SCAPER: variants seen among roughly 807,000 people sequenced by gnomAD.
The protein encoded by SCAPER is S-phase cyclin A associated protein in the ER, also known as S phase cyclin A-associated protein in the endoplasmic reticulum.
Under a neutral mutation model 182.2 loss-of-function variants are expected in SCAPER, and 98 were observed. That is an observed-to-expected ratio of 0.54 (90% CI 0.46 to 0.64). SCAPER has a LOEUF of 0.64. SCAPER is among the 30% of genes least tolerant of loss of function. The probability of loss-of-function intolerance (pLI) is 0.00; values close to 1 mark genes in which losing one functional copy is unlikely to be tolerated. For synonymous variants in SCAPER, 605 were observed against 564.6 expected, an observed-to-expected ratio of 1.07 and a Z score of -1.01; for missense variants, 1,432 against 1,690.0, an observed-to-expected ratio of 0.85 and a Z score of 2.68.
chr15:76,711,789 T>C (rs1000128945), intron 17 of SCAPER, among the ~76,000 whole-genome samples: 1 of 152,110 alleles, frequency 6.6e-6, no homozygotes, highest in Admixed American at 6.5e-5. Context: ...GGGTTGTTTG[T>C]TTTTTTCCTG....
At position 76,592,860 on chromosome 15, in the gene SCAPER, C is replaced by T. The variant is rs2049229527; in HGVS notation, c.2712-18576G>A. Among the ~76,000 whole-genome samples the T allele has an allele frequency of 1.7e-5, 2 of 121,030 alleles. 1 individual carries two copies. The highest frequency in any genetic ancestry group is 5.1e-5 in the African/African-American group (2 of 39,556). The allele number at this position is 121,030 out of a possible 152,430, so 79.4% of individuals were successfully genotyped here. Reference sequence around the variant, plus strand: ...AGATTCCCTTGGGTGCCTATGCCACCAGGGCCCTGGGTTTCAAGCACAAAA... The same window carrying T: ...AGATTCCCTTGGGTGCCTATGCCACTAGGGCCCTGGGTTTCAAGCACAAAA... On this transcript the variant is annotated intron_variant, in intron 22 of 31. Coordinates refer to ENST00000563290, the MANE Select transcript of SCAPER (RefSeq NM_020843.4).
intron 26 of SCAPER, 30 bp downstream of exon 26, chr15:76,434,048 A>T: frequency 1.9e-6 from 3 of 1,561,324 alleles, no homozygotes; most frequent in East Asian, 4.5e-5. Context: ...TTAACAAAGA[A>T]CAAAGTTTTA....
At position 76,718,177 on chromosome 15, in the gene SCAPER, T is replaced by A. The variant is rs139067008; in HGVS notation, c.2165+10418A>T. ...AAATAACATGCTCCAAAATAAGTCA[T>A]GAGTTAAAGAAGAAATCAAAAAGGA... is the stretch of plus-strand genomic sequence containing the variant. On this transcript the variant is annotated intron_variant, in intron 17 of 31. Transcript: ENST00000563290. Among the ~76,000 whole-genome samples the A allele has an allele frequency of 1.1e-3, 173 of 152,122 alleles. 1 individual carries two copies. Among genetic ancestry groups the A allele is most frequent in the African/African-American group, 4.0e-3 (167 of 41,518 alleles).
At position 76,815,002 on chromosome 15, in the gene SCAPER, T is replaced by A. The variant is rs1006369971; in HGVS notation, c.394-10369A>T. ...AAAACATAAAAATGGCTAATAAGCA[T>A]AAGAAAAAGTGCTCAACATCAGTAA... On this transcript the variant is annotated intron_variant, in intron 5 of 31. Coordinates refer to ENST00000563290, the MANE Select transcript of SCAPER (RefSeq NM_020843.4). Among the ~76,000 whole-genome samples the A allele has an allele frequency of 2.6e-5, 4 of 151,340 alleles. No homozygotes were observed. In the Middle Eastern group the frequency reaches 0.01, roughly 386 times the overall value.
chr15:76,859,639 T>C (rs1296693755), intron 3 of SCAPER, among the ~76,000 whole-genome samples: 1 of 152,226 alleles, frequency 6.6e-6, no homozygotes, highest in Non-Finnish European at 1.5e-5. Context: ...TTAACAAAAA[T>C]TGTAAATGTT....
intron 27 of SCAPER, among the ~76,000 whole-genome samples, chr15:76,386,824 A>G (rs1216528231): frequency 6.6e-6 from 1 of 152,210 alleles, no homozygotes; most frequent in Non-Finnish European, 1.5e-5. Context: ...GAGGGAGCAG[A>G]GAAGATCAGG....
chr15:76,403,163 C>T (rs1358709612), intron 27 of SCAPER, among the ~76,000 whole-genome samples: 3 of 152,166 alleles, frequency 2.0e-5, no homozygotes, highest in Non-Finnish European at 2.9e-5. Context: ...GGGGCCTGGC[C>T]AATGCACAGG....
intron 2 of SCAPER, among the ~76,000 whole-genome samples, chr15:76,876,306 G>A (rs536814174): frequency 5.3e-5 from 8 of 152,232 alleles, no homozygotes; most frequent in South Asian, 4.1e-4. Flanking sequence ...TGGCCAGAGT[G>A]GACGTCGAGG....
intron 10 of SCAPER, among the ~76,000 whole-genome samples, chr15:76,768,961 G>A (rs1204546249): frequency 6.6e-6 from 1 of 152,024 alleles, no homozygotes; most frequent in Non-Finnish European, 1.5e-5. Flanking sequence ...TGTGTTACAT[G>A]GATAAATCTC....
At chr15:76,495,282 T>G (rs1371313755) in intron 24 of SCAPER, among the ~76,000 whole-genome samples, 1 of 151,904 alleles carries the variant, frequency 6.6e-6, no homozygotes, top group Non-Finnish European at 1.5e-5. Context: ...GAGAGAGGAA[T>G]AAGAGATGAT....
intron 14 of SCAPER, among the ~76,000 whole-genome samples, chr15:76,764,127 G>C (rs1428632139): frequency 1.3e-5 from 2 of 152,180 alleles, no homozygotes; most frequent in Admixed American, 1.3e-4. Flanking sequence ...TTGCTCAGAT[G>C]GGAGCAATGA....
At chr15:76,724,328 A>G (rs985136264) in intron 17 of SCAPER, among the ~76,000 whole-genome samples, 3 of 152,054 alleles carry the variant, frequency 2.0e-5, no homozygotes, top group African/African-American at 7.2e-5. Flanking sequence ...TTTGTGGCTA[A>G]CCCAACCTTT....
Position 76,819,337 on chromosome 15 carries a change from A to T in SCAPER, c.394-14704T>A, listed in dbSNP as rs546872779. Among the ~76,000 whole-genome samples the T allele has an allele frequency of 3.3e-5, 5 of 152,308 alleles. No homozygotes were observed. In the South Asian group the frequency reaches 1.0e-3, roughly 32 times the overall value. On this transcript the variant is annotated intron_variant, in intron 5 of 31. Transcript: ENST00000563290. The stretch of plus-strand genomic sequence containing the variant: ...GTAGCCTAACTGGGAGCCACCCCCC[A>T]GTAGGGGCAGACTGACACCTCACAT...
At chr15:76,687,720 T>C (rs2058111195) in intron 20 of SCAPER, among the ~76,000 whole-genome samples, 1 of 152,210 alleles carries the variant, frequency 6.6e-6, no homozygotes, top group African/African-American at 2.4e-5. Flanking sequence ...GTTGGTTTGC[T>C]GAGAATGATG....
At chr15:76,757,647 T>C (rs1041576564) in intron 14 of SCAPER, among the ~76,000 whole-genome samples, 1 of 152,206 alleles carries the variant, frequency 6.6e-6, no homozygotes, top group Admixed American at 6.5e-5. Flanking sequence ...GCTGATCGTA[T>C]GACAGGCTCT....
chr15:76,405,237 G>A (rs747720277), intron 26 of SCAPER, among the ~76,000 whole-genome samples: 4 of 150,030 alleles, frequency 2.7e-5, no homozygotes, highest in South Asian at 4.2e-4. Context: ...CCTCAGTCTC[G>A]CAAGTAGTTG....
At chr15:76,719,637 G>A (rs2150950848) in intron 17 of SCAPER, among the ~76,000 whole-genome samples, 1 of 152,146 alleles carries the variant, frequency 6.6e-6, no homozygotes, top group East Asian at 1.9e-4. Context: ...CTATCTATAT[G>A]TACACTACAA....
At chr15:76,590,667 T>C (rs561972040) in intron 22 of SCAPER, among the ~76,000 whole-genome samples, 6 of 152,348 alleles carry the variant, frequency 3.9e-5, no homozygotes, top group South Asian at 2.1e-4. Flanking sequence ...TGCCATTTGA[T>C]CCAGCAATCC....
At chr15:76,521,310 T>C (rs182565124) in intron 23 of SCAPER, among the ~76,000 whole-genome samples, 2 of 152,222 alleles carry the variant, frequency 1.3e-5, no homozygotes, top group Admixed American at 6.5e-5. Flanking sequence ...TTTGTTAATA[T>C]ATCAATTCAG....
Sources: gnomAD v4.1 joint callset for allele counts (sites outside exome capture counted in the v4.1 genomes callset) on GRCh38, gnomAD v4.1.1 for gene constraint, MANE v1.5 for transcripts, NCBI Gene and HGNC (gene_info 2026-07-23, HGNC 2026-07-21) for gene names.